The following PPP2R5B variants were observed in gnomAD, a reference collection of about 807,000 sequenced individuals.
The protein encoded by PPP2R5B is protein phosphatase 2 regulatory subunit B'beta.
A neutral mutation model predicts 59.9 loss-of-function variants in PPP2R5B; 19 were observed. The ratio of observed to expected loss-of-function variants is 0.32; its 90% CI spans 0.22 to 0.47. The LOEUF (loss-of-function observed/expected upper bound fraction) is 0.47. PPP2R5B is among the 20% of genes least tolerant of loss of function. PPP2R5B has a pLI of 1.00. For synonymous variants in PPP2R5B, 286 were observed against 260.5 expected (o/e 1.10, Z -0.94); for missense variants, 441 against 640.2 (o/e 0.69, Z 3.36).
In PPP2R5B at chr11:64,933,813, C is replaced by G. The variant is rs755525873; in HGVS notation, c.1463C>G (p.Pro488Arg). 1 of 1,549,642 alleles carries G rather than the reference C, an allele frequency of 6.5e-7. No individual in the cohort carries two copies. Among genetic ancestry groups the G allele is most frequent in the Non-Finnish European group, 8.7e-7 (1 of 1,147,054 alleles). Residue 488 changes from proline (P) to arginine (R), a missense_variant, in exon 14 of 14, where the codon CCC becomes CGC. Physicochemically the swap from Pro to Arg is moderately radical, Grantham distance 103. Coordinates refer to ENST00000164133, the MANE Select transcript of PPP2R5B (RefSeq NM_006244.4). Reference sequence around the variant, plus strand: ...GAGGCCCCCCTCCAGCGGCTTACACCCCAGGTGGCCGCCAGTGGGGGTCAG... The same window carrying G: ...GAGGCCCCCCTCCAGCGGCTTACACGCCAGGTGGCCGCCAGTGGGGGTCAG... ...AKEAPLQRLT[P>R]QVAASGGQS is the part of the protein sequence containing the mutation.
In PPP2R5B at chr11:64,928,385, C is replaced by T. The variant is rs1252647594; in HGVS notation, c.682C>T (p.Arg228Trp). The change falls in exon 6 of 14, where the codon CGG becomes TGG. Residue 228 changes from arginine to tryptophan, a missense_variant. By Grantham distance (101) the Arg-to-Trp change is moderately radical. Transcript: ENST00000164133. ...GGTCTATGGCAAGTTCCTGGGTCTC[C>T]GGGCCTACATCCGCAAACAGTGCAA... is the stretch of plus-strand genomic sequence containing the variant. ...HRVYGKFLGL[R>W]AYIRKQCNHI... is the part of the protein sequence containing the mutation. 4 of 1,614,212 alleles carry T rather than the reference C, an allele frequency of 2.5e-6. No individual in the cohort carries two copies. Among genetic ancestry groups the T allele is most frequent in the Admixed American group, 1.7e-5 (1 of 60,028 alleles).
chr11:64,927,985 C>G (rs1323832296), intron 4 of PPP2R5B, 81 bp from the exon 5 acceptor site: 2 of 1,566,938 alleles, frequency 1.3e-6, no homozygotes, highest in Non-Finnish European at 8.8e-7. Flanking sequence ...AGCCCCTAGA[C>G]AGTTGGATGA....
Position 64,931,236 on chromosome 11 carries a change from C to G in PPP2R5B, c.892-200C>G, listed in dbSNP as rs565427629. Among the ~76,000 whole-genome samples the G allele has an allele frequency of 1.3e-5, 2 of 152,268 alleles. No individual in the cohort carries two copies. Among genetic ancestry groups the G allele is most frequent in the South Asian group, 4.1e-4 (2 of 4,820 alleles). On this transcript the variant is annotated intron_variant, in intron 8 of 13. Transcript: ENST00000164133. This position sits in a 1 kb window ranked among gnomAD's most constrained non-coding sequence, Gnocchi z 5.0. ...GATGAGTTTGTTGACTGTCCCCACTCCCCGCGAGATCAGAGTTGTATTCCC... is the reference window on the plus strand; with the variant it reads ...GATGAGTTTGTTGACTGTCCCCACTGCCCGCGAGATCAGAGTTGTATTCCC...
chr11:64,933,738 GTCT>G lies in PPP2R5B; in HGVS notation c.1389_1391del (p.Leu464del). 1 of 1,558,074 alleles carries G rather than the reference GTCT, an allele frequency of 6.4e-7. No homozygotes were observed. The highest frequency in any genetic ancestry group is 1.2e-5 in the South Asian group (1 of 84,464). On this transcript the variant is annotated inframe_deletion, in exon 14 of 14. Transcript: ENST00000164133. ...CAGGAGCGTCAGGAGTTATGGCAAG[GTCT>G]GGAGGAGCTGCGGCTACGCCGGCTA...
In PPP2R5B at chr11:64,933,253, G is replaced by A; in HGVS notation, c.1346+7G>A. The A allele has an allele frequency of 1.9e-6, 3 of 1,594,788 alleles. No individual in the cohort carries two copies. The South Asian group carries it at 3.3e-5, about 18-fold the overall frequency. ...ACAAGCTGGAAAAGCAGCAGTGAGT[G>A]TTGGGGGCTGGGCGTGGGGGAAGGG... On this transcript the variant is annotated splice_region_variant and intron_variant, in intron 13 of 13. Coordinates refer to ENST00000164133, the MANE Select transcript of PPP2R5B (RefSeq NM_006244.4).
intron 1 of PPP2R5B, among the ~76,000 whole-genome samples, chr11:64,919,365 G>C (rs1036291399): frequency 6.0e-5 from 9 of 151,142 alleles, no homozygotes; most frequent in African/African-American, 2.2e-4. Flanking sequence ...AGAAGAAACT[G>C]CTTGTGGAAG....
rs1358686708 is a variant in PPP2R5B, at chr11:64,925,590, G to T, written c.-145G>T. The T allele has an allele frequency of 1.8e-6, 1 of 570,856 alleles. No homozygotes were observed. Among genetic ancestry groups the T allele is most frequent in the Non-Finnish European group, 3.1e-6 (1 of 318,860 alleles). 35.4% of individuals were successfully genotyped at this position (570,856 alleles called of 1,614,324 possible). On this transcript the variant is annotated 5_prime_UTR_variant, in exon 2 of 14. Transcript: ENST00000164133. This position sits in a 1 kb window ranked among gnomAD's most constrained non-coding sequence, Gnocchi z 4.6. Reference sequence around the variant, plus strand: ...ACTGGGCAGTTGCAGGAGGCCCTGGGGGGGGGCCCAGGACTGTGGTTGTGC... The same window carrying T: ...ACTGGGCAGTTGCAGGAGGCCCTGGTGGGGGGCCCAGGACTGTGGTTGTGC...
rs554550266 is a variant in PPP2R5B, at chr11:64,931,803, T to C, written c.1051T>C (p.Phe351Leu). ...EILDVIEPSQ[F>L]VKIQEPLFKQ... ...TCTTGATGTCATCGAGCCCTCCCAG[T>C]TTGTGAAGATCCAGGAGCCCCTTTT... Residue 351 changes from phenylalanine to leucine, a missense_variant, in exon 11 of 14, where the codon TTT (phenylalanine) becomes CTT (leucine). Transcript: ENST00000164133. This position sits in a 1 kb window ranked among gnomAD's most constrained non-coding sequence, Gnocchi z 5.0. 1 of 1,613,996 alleles carries C rather than the reference T, an allele frequency of 6.2e-7. No homozygotes were observed. Among genetic ancestry groups the C allele is most frequent in the South Asian group, 1.1e-5 (1 of 91,076 alleles).
intron 3 of PPP2R5B, among the ~76,000 whole-genome samples, chr11:64,927,165 C>T (rs1281062832): frequency 6.6e-6 from 1 of 152,210 alleles, no homozygotes; most frequent in African/African-American, 2.4e-5. Flanking sequence ...CATGGCCTGG[C>T]TCAGGTGCCG....
Position 64,930,465 on chromosome 11 carries a change from T to C in PPP2R5B, c.783-16T>C. 6.2e-7 allele frequency: 1 copy of C among 1,614,064 alleles called. No individual in the cohort carries two copies. Among genetic ancestry groups the C allele is most frequent in the Admixed American group, 1.7e-5 (1 of 60,024 alleles). On this transcript the variant is annotated splice_polypyrimidine_tract_variant and intron_variant, in intron 7 of 13. Transcript: ENST00000164133. ...GGTCACCTGAGCCCTCTTCCTCTCT[T>C]CTGCCTCCTCCTCAGCATCATCAAT...
upstream of PPP2R5B, among the ~76,000 whole-genome samples, chr11:64,919,949 T>C (rs1945095377): frequency 6.6e-6 from 1 of 151,816 alleles, no homozygotes; most frequent in Non-Finnish European, 1.5e-5. Context: ...TCAGAAATCA[T>C]AAAAAGAAAA....
At position 64,932,791 on chromosome 11, in the gene PPP2R5B, G is replaced by T; in HGVS notation, c.1143G>T (p.Trp381Cys). 1 of 1,613,964 alleles carries T rather than the reference G, an allele frequency of 6.2e-7. No individual in the cohort carries two copies. Among genetic ancestry groups the T allele is most frequent in the Non-Finnish European group, 8.5e-7 (1 of 1,179,940 alleles). The change falls in exon 12 of 14, where the codon TGG (tryptophan) becomes TGT (cysteine). Residue 381 changes from tryptophan to cysteine, a missense_variant. Around this residue, in one of 3 missense-constraint regions of PPP2R5B, gnomAD observed 268 missense variants for 488.1 expected, o/e 0.55. Coordinates refer to ENST00000164133, the MANE Select transcript of PPP2R5B (RefSeq NM_006244.4). ...TTGCAGAGCGGGCTCTGTATTTCTG[G>T]AACAATGAGTATATCCTAAGCCTCA... ...FQVAERALYFWNNEYILSLIE... is the reference protein window; with the variant it reads ...FQVAERALYFCNNEYILSLIE...
intron 1 of PPP2R5B, among the ~76,000 whole-genome samples, chr11:64,919,476 C>G (rs919238916): frequency 1.3e-5 from 2 of 151,962 alleles, no homozygotes; most frequent in African/African-American, 4.8e-5. Flanking sequence ...GGGTTGCTCA[C>G]TCCTGTAATC....
In PPP2R5B at chr11:64,928,297, C is replaced by T. The variant is rs746287187; in HGVS notation, c.594C>T (p.Leu198=). 6.2e-7 allele frequency: 1 copy of T among 1,613,602 alleles called. No individual in the cohort carries two copies. The highest frequency in any genetic ancestry group is 8.5e-7 in the Non-Finnish European group (1 of 1,179,804). ...GACCCTGACTCTGGTTCCCACAGCT[C>T]CTGGAGCTATTTGATAGTGAGGATC... ...RYVDQKFVLM[L]LELFDSEDPR... is the part of the protein sequence containing the mutation. The change falls in exon 6 of 14, where the codon CTC becomes CTT. Residue 198 remains leucine, a splice_region_variant and synonymous_variant. Coordinates refer to ENST00000164133, the MANE Select transcript of PPP2R5B (RefSeq NM_006244.4).
At position 64,926,783 on chromosome 11, in the gene PPP2R5B, T is replaced by C. The variant is rs1945169053; in HGVS notation, c.271T>C (p.Leu91=). ...LAQCGVMFDF[L]DCVADLKGKE... ...CCAGTGTGGGGTGATGTTTGACTTC[T>C]TGGACTGTGTGGCCGACCTCAAGGG... The change falls in exon 3 of 14, where the codon TTG becomes CTG. Residue 91 remains leucine, a synonymous_variant. Transcript: ENST00000164133. The C allele has an allele frequency of 1.2e-6, 2 of 1,614,072 alleles. No homozygotes were observed. The highest frequency in any genetic ancestry group is 1.6e-4 in the Middle Eastern group (1 of 6,084).
chr11:64,927,888 G>T lies in PPP2R5B; in HGVS notation c.483G>T (p.Ser161=). The T allele has an allele frequency of 6.2e-7, 1 of 1,607,932 alleles. No homozygotes were observed. The highest frequency in any genetic ancestry group is 2.2e-5 in the East Asian group (1 of 44,838). ...PEEDEPNLEP[S]WPHLQLVYEF... ...AGGATGAGCCCAATCTTGAGCCTTC[G>T]TGGCCACACCTGCAGGTCTGAAGGG... The change falls in exon 4 of 14, where the codon TCG becomes TCT. Residue 161 remains serine, a synonymous_variant. Transcript: ENST00000164133.
At chr11:64,922,065 A>C (rs1449500970), upstream of PPP2R5B, among the ~76,000 whole-genome samples, 1 of 152,032 alleles carries the variant, frequency 6.6e-6, no homozygotes, top group Non-Finnish European at 1.5e-5. Flanking sequence ...AAAATTAGCC[A>C]GGAGTGGTGG....
upstream of PPP2R5B, among the ~76,000 whole-genome samples, chr11:64,919,956 A>C (rs894156924): frequency 2.0e-5 from 3 of 152,022 alleles, no homozygotes; most frequent in Non-Finnish European, 4.4e-5. Flanking sequence ...TCATAAAAAG[A>C]AAAAAGAGGC....
chr11:64,925,501 C>T lies in PPP2R5B; in HGVS notation c.-234C>T, dbSNP rs1171797790. 8 of 487,748 alleles carry T rather than the reference C, an allele frequency of 1.6e-5. No homozygotes were observed. The highest frequency in any genetic ancestry group is 6.0e-5 in the African/African-American group (3 of 50,062). 30.2% of individuals were successfully genotyped at this position (487,748 alleles called of 1,614,324 possible). A position where few individuals can be genotyped will look rare whatever the true frequency, so the allele number is the denominator to read the frequency against. On this transcript the variant is annotated 5_prime_UTR_variant, in exon 2 of 14. Coordinates refer to ENST00000164133, the MANE Select transcript of PPP2R5B (RefSeq NM_006244.4). This position sits in a 1 kb window ranked among gnomAD's most constrained non-coding sequence, Gnocchi z 4.6. The stretch of plus-strand genomic sequence containing the variant: ...GGGTGGGAACCCTAACTGGACTCTT[C>T]GGGACCCCCAGGAAGGATCTGAGGC...
Sources: gnomAD v4.1 joint callset for allele counts (sites outside exome capture counted in the v4.1 genomes callset) on GRCh38, gnomAD v4.1.1 for gene constraint, gnomAD v4.1.1 regional missense constraint, Gnocchi (gnomAD v3.1) non-coding constraint, MANE v1.5 for transcripts, NCBI Gene and HGNC (gene_info 2026-07-23, HGNC 2026-07-21) for gene names.